Variants in PRKCZ observed in about 807,000 individuals in gnomAD.
PRKCZ encodes the protein protein kinase C zeta, also known as protein kinase C zeta type.
In PRKCZ, 33 loss-of-function variants were observed where a neutral mutation model predicts 79.5. The ratio of observed to expected loss-of-function variants is 0.41; its 90% CI spans 0.31 to 0.55. The LOEUF is 0.55. PRKCZ is among the 20% of genes least tolerant of loss of function. The pLI is 0.19. For missense variants in PRKCZ, 578 were observed against 813.5 expected (o/e 0.71, Z 3.52); for synonymous variants, 342 against 320.9 (o/e 1.07, Z -0.70).
At chr1:2,137,557 C>T (rs1676472025) in intron 5 of PRKCZ, among the ~76,000 whole-genome samples, 1 of 151,916 alleles carries the variant, frequency 6.6e-6, no homozygotes, top group African/African-American at 2.4e-5. Context: ...GCAGAGGAAC[C>T]ACTCACCTCT....
At chr1:2,175,189 G>T in intron 15 of PRKCZ, 35 bp from the exon 16 acceptor site, 1 of 1,589,232 alleles carries the variant, frequency 6.3e-7, no homozygotes, top group East Asian at 2.2e-5. Context: ...TCCGGGATGG[G>T]GCTGACTTGT....
intron 4 of PRKCZ, among the ~76,000 whole-genome samples, chr1:2,092,975 G>T (rs1257326163): frequency 6.6e-6 from 1 of 152,214 alleles, no homozygotes; most frequent in Non-Finnish European, 1.5e-5. Flanking sequence ...TTGCCTCCAC[G>T]ATGTCAGCTT....
chr1:2,058,741 C>T (rs1660413109), intron 3 of PRKCZ, among the ~76,000 whole-genome samples: 1 of 150,968 alleles, frequency 6.6e-6, no homozygotes, highest in Non-Finnish European at 1.5e-5. Context: ...ACTATAAATA[C>T]AAAAATTAGC....
At chr1:2,054,928 G>C (rs1660017736) in intron 1 of PRKCZ, among the ~76,000 whole-genome samples, 1 of 151,142 alleles carries the variant, frequency 6.6e-6, no homozygotes. Flanking sequence ...GTGCAAGGAA[G>C]TTGATGGTGG....
At chr1:2,167,806 T>A (rs1683634891) in intron 10 of PRKCZ, among the ~76,000 whole-genome samples, 1 of 152,208 alleles carries the variant, frequency 6.6e-6, no homozygotes, top group Non-Finnish European at 1.5e-5. Context: ...GGTTTCACCA[T>A]GTTGGCCAGG....
intron 16 of PRKCZ, chr1:2,182,472 C>T (rs1368409532): frequency 3.9e-5 from 6 of 154,960 alleles, no homozygotes; most frequent in African/African-American, 2.4e-5. Context: ...GGCGGGGCAC[C>T]GGGGACAGGC....
chr1:2,112,962 G>T lies in PRKCZ; in HGVS notation c.335-22300G>T, dbSNP rs548888595. ...CTGCCTTGGCCTCCCAAAGTGCTGG[G>T]ATTACAGGCTTGAGCCACTGCGCCC... is the stretch of plus-strand genomic sequence containing the variant. On this transcript the variant is annotated intron_variant, in intron 4 of 17. Transcript: ENST00000378567. 2.6e-5 allele frequency among the ~76,000 whole-genome samples: 4 copies of T among 152,364 alleles called. No individual in the cohort carries two copies. The South Asian group carries it at 8.3e-4, about 32-fold the overall frequency.
chr1:2,087,912 C>T (rs1664814654), intron 4 of PRKCZ, among the ~76,000 whole-genome samples: 1 of 152,216 alleles, frequency 6.6e-6, no homozygotes, highest in South Asian at 2.1e-4. Context: ...CTGCCTGCAC[C>T]CGGGGAGGCC....
At chr1:2,074,700 C>T (rs897665164) in intron 4 of PRKCZ, 2 of 238,686 alleles carry the variant, frequency 8.4e-6, no homozygotes, top group African/African-American at 2.3e-5. Context: ...CTCACTCCAT[C>T]GGGGTCCTCG....
Position 2,171,996 on chromosome 1 carries a change from A to T in PRKCZ, c.1062-59A>T. On this transcript the variant is annotated intron_variant, in intron 11 of 17. Coordinates refer to ENST00000378567, the MANE Select transcript of PRKCZ (RefSeq NM_002744.6). ...CGGGAGTGTGTGGCCCCCAGGCTGG[A>T]GCTGTTGGCGCAGCCTCTGGCACAG... The T allele has an allele frequency of 2.0e-6, 3 of 1,532,890 alleles. No homozygotes were observed. In the South Asian group the frequency reaches 3.8e-5, roughly 19 times the overall value. 95.0% of individuals were successfully genotyped at this position (1,532,890 alleles called of 1,614,324 possible).
In PRKCZ at chr1:2,128,827, C is replaced by T. The variant is rs922594361; in HGVS notation, c.335-6435C>T. ...GGACCTCCTGCTAACCTGGGCTTGA[C>T]TTTGAGACCCTGTTCCACAGAGGTA... On this transcript the variant is annotated intron_variant, in intron 4 of 17. Coordinates refer to ENST00000378567, the MANE Select transcript of PRKCZ (RefSeq NM_002744.6). This position sits in a 1 kb window ranked among gnomAD's most constrained non-coding sequence, Gnocchi z 6.5. 1.3e-5 allele frequency among the ~76,000 whole-genome samples: 2 copies of T among 152,184 alleles called. No individual in the cohort carries two copies. The highest frequency in any genetic ancestry group is 4.8e-5 in the African/African-American group (2 of 41,442).
intron 4 of PRKCZ, among the ~76,000 whole-genome samples, chr1:2,108,927 G>A (rs1022904047): frequency 6.6e-6 from 1 of 152,158 alleles, no homozygotes; most frequent in Non-Finnish European, 1.5e-5. Context: ...GCTCCAGGGA[G>A]ACCCCGTTTC....
intron 10 of PRKCZ, among the ~76,000 whole-genome samples, chr1:2,167,626 CAG>C (rs1280201527): frequency 6.6e-6 from 1 of 152,188 alleles, no homozygotes; most frequent in Non-Finnish European, 1.5e-5. Flanking sequence ...TTCTTTGAGA[CAG>C]AGTCTTGCTC....
intron 7 of PRKCZ, among the ~76,000 whole-genome samples, chr1:2,148,408 C>T (rs1679151834): frequency 6.6e-6 from 1 of 152,064 alleles, no homozygotes; most frequent in Non-Finnish European, 1.5e-5. Flanking sequence ...ATCCATCCAT[C>T]TATTGTCCAC....
chr1:2,124,566 C>T (rs537321017), intron 4 of PRKCZ, among the ~76,000 whole-genome samples: 1 of 152,236 alleles, frequency 6.6e-6, no homozygotes, highest in East Asian at 1.9e-4. Context: ...AGATACCCCG[C>T]CCTGCAGGTT....
At chr1:2,158,453 T>C (rs1681551529) in intron 10 of PRKCZ, among the ~76,000 whole-genome samples, 1 of 152,230 alleles carries the variant, frequency 6.6e-6, no homozygotes, top group African/African-American at 2.4e-5. Flanking sequence ...GCCTGACGGC[T>C]CTGTCCCCTT....
intron 4 of PRKCZ, among the ~76,000 whole-genome samples, chr1:2,085,475 G>T (rs1472746788): frequency 6.6e-6 from 1 of 152,250 alleles, no homozygotes; most frequent in East Asian, 1.9e-4. Flanking sequence ...ACTGGTTGCT[G>T]CGCACGGTGC....
At chr1:2,083,060 A>T (rs1289053206) in intron 4 of PRKCZ, among the ~76,000 whole-genome samples, 1 of 152,184 alleles carries the variant, frequency 6.6e-6, no homozygotes, top group Non-Finnish European at 1.5e-5. Flanking sequence ...GCGGCTGTAC[A>T]GTGAGTTTTA....
chr1:2,089,753 G>A (rs371332803), intron 4 of PRKCZ, among the ~76,000 whole-genome samples: 3 of 152,148 alleles, frequency 2.0e-5, no homozygotes, highest in African/African-American at 7.2e-5. Flanking sequence ...CTGTAGCAAC[G>A]TACCACAGAT....
Sources: gnomAD v4.1 joint callset for allele counts (sites outside exome capture counted in the v4.1 genomes callset) on GRCh38, gnomAD v4.1.1 for gene constraint, Gnocchi (gnomAD v3.1) non-coding constraint, MANE v1.5 for transcripts, NCBI Gene and HGNC (gene_info 2026-07-23, HGNC 2026-07-21) for gene names.